Variants in AUH observed in about 807,000 individuals in gnomAD.
The protein encoded by AUH is methylglutaconyl-CoA hydratase, mitochondrial.
A neutral mutation model predicts 42.3 loss-of-function variants in AUH; 29 were observed. That is an observed-to-expected ratio of 0.69 (90% CI 0.51 to 0.93). AUH has a LOEUF of 0.93. AUH is among the 40% of genes least tolerant of loss of function. AUH has a pLI of 0.00. For synonymous variants in AUH, 174 were observed against 166.4 expected (o/e 1.05, Z -0.35); for missense variants, 452 against 438.1 (o/e 1.03, Z -0.28).
chr9:91,214,554 C>G, intron 9 of AUH, 129 bp from the exon 10 acceptor site: 3 of 732,062 alleles, frequency 4.1e-6, no homozygotes, highest in Non-Finnish European at 6.6e-6. Flanking sequence ...GAACAATTCT[C>G]CTAATTATGT....
chr9:91,276,865 A>C (rs1825587491), intron 6 of AUH, among the ~76,000 whole-genome samples: 1 of 152,210 alleles, frequency 6.6e-6, no homozygotes, highest in African/African-American at 2.4e-5. Context: ...TTTCTTCCCC[A>C]AGTAAAGAAT....
chr9:91,319,850 G>A (rs187249862), intron 4 of AUH, among the ~76,000 whole-genome samples: 13 of 152,270 alleles, frequency 8.5e-5, no homozygotes, highest in South Asian at 8.3e-4. Context: ...AAGGTCAAAC[G>A]GTGCGCCTGA....
At position 91,343,681 on chromosome 9, in the gene AUH, G is replaced by C. The variant is rs559647534; in HGVS notation, c.418+12202C>G. Among the ~76,000 whole-genome samples the C allele has an allele frequency of 2.5e-3, 377 of 152,256 alleles. 1 individual carries two copies. Among genetic ancestry groups the C allele is most frequent in the Non-Finnish European group, 4.6e-3 (312 of 68,012 alleles). On this transcript the variant is annotated intron_variant, in intron 3 of 9. Transcript: ENST00000375731. The stretch of plus-strand genomic sequence containing the variant: ...CGGGAGGCGGAGGTTGCAGTGAGCT[G>C]AGATTACACTGCTGCACTCCAGCCT...
chr9:91,310,299 A>C lies in AUH; in HGVS notation c.506-12223T>G, dbSNP rs567857269. Among the ~76,000 whole-genome samples the C allele has an allele frequency of 8.5e-5, 13 of 152,352 alleles. No homozygotes were observed. The South Asian group carries it at 1.4e-3, about 17-fold the overall frequency. On this transcript the variant is annotated intron_variant, in intron 4 of 9. Transcript: ENST00000375731. ...AGTTGAGCAGCATTCTTGGAATTTT[A>C]GGTAGAGGCAGACAGGAAAGGGATT...
intron 6 of AUH, among the ~76,000 whole-genome samples, chr9:91,241,996 T>C (rs535918341): frequency 1.3e-5 from 2 of 152,342 alleles, no homozygotes; most frequent in East Asian, 1.9e-4. Context: ...ACTTACTCTT[T>C]GATAGATTCT....
chr9:91,300,026 A>T (rs1281527693), intron 4 of AUH, among the ~76,000 whole-genome samples: 1 of 152,204 alleles, frequency 6.6e-6, no homozygotes, highest in African/African-American at 2.4e-5. Context: ...CAATGACATT[A>T]TAAGATTGTC....
At chr9:91,349,792 A>G (rs1276856714) in intron 3 of AUH, among the ~76,000 whole-genome samples, 1 of 152,186 alleles carries the variant, frequency 6.6e-6, no homozygotes, top group East Asian at 1.9e-4. Context: ...GGCAGCACAC[A>G]TTCAGTCCAA....
At chr9:91,322,496 T>A (rs1435857567) in intron 4 of AUH, among the ~76,000 whole-genome samples, 3 of 152,188 alleles carry the variant, frequency 2.0e-5, no homozygotes, top group East Asian at 1.9e-4. Context: ...AATAGACAGC[T>A]AAGCCAAAGA....
At chr9:91,219,405 C>T (rs1827008315) in intron 7 of AUH, among the ~76,000 whole-genome samples, 1 of 152,206 alleles carries the variant, frequency 6.6e-6, no homozygotes, top group South Asian at 2.1e-4. Context: ...TAAGTTATAA[C>T]ACCAATATTC....
intron 6 of AUH, among the ~76,000 whole-genome samples, chr9:91,266,781 G>C (rs1406083073): frequency 6.6e-6 from 1 of 152,086 alleles, no homozygotes; most frequent in East Asian, 1.9e-4. Context: ...CCTATGACTG[G>C]GGCACATAAA....
At chr9:91,223,300 C>T (rs1440266184) in intron 6 of AUH, among the ~76,000 whole-genome samples, 1 of 151,878 alleles carries the variant, frequency 6.6e-6, no homozygotes, top group Non-Finnish European at 1.5e-5. Context: ...TTTATTGCCT[C>T]ATATAAATGG....
intron 3 of AUH, among the ~76,000 whole-genome samples, chr9:91,328,380 G>C (rs1306592587): frequency 3.3e-5 from 5 of 152,222 alleles, no homozygotes; most frequent in Non-Finnish European, 5.9e-5. Context: ...CAGAAAATAT[G>C]TAAGACAGCT....
intron 4 of AUH, among the ~76,000 whole-genome samples, chr9:91,313,374 C>T (rs554511187): frequency 5.2e-4 from 79 of 152,220 alleles, no homozygotes; most frequent in Non-Finnish European, 8.5e-4. Context: ...CACTTCCTCC[C>T]AAGACAAAAA....
intron 4 of AUH, among the ~76,000 whole-genome samples, chr9:91,302,335 A>C (rs1029307307): frequency 5.3e-5 from 8 of 152,070 alleles, no homozygotes; most frequent in Admixed American, 5.2e-4. Context: ...CACGCCTGTA[A>C]TCCCAGCACT....
intron 6 of AUH, among the ~76,000 whole-genome samples, chr9:91,276,109 T>A (rs890568355): frequency 2.6e-5 from 4 of 152,202 alleles, no homozygotes; most frequent in African/African-American, 9.6e-5. Context: ...TACATAATAT[T>A]ATCTGCATTT....
rs1270067554 is a variant in AUH at position 91,361,856 on chromosome 9, A to C, written c.34T>G (p.Leu12Val). 2.0e-6 allele frequency: 3 copies of C among 1,483,510 alleles called. No homozygotes were observed. In the East Asian group the frequency reaches 8.5e-5, roughly 42 times the overall value. 91.9% of individuals were successfully genotyped at this position (1,483,510 alleles called of 1,614,324 possible). The change falls in exon 1 of 10, where the codon TTG becomes GTG. Residue 12 changes from leucine (L) to valine (V), a missense_variant. Transcript: ENST00000375731. ...AAAVAAAPGA[L>V]GSLHAGGARL... ...GCGCCGCCAGCATGCAGGGATCCCA[A>C]GGCCCCAGGTGCCGCCGCCACCGCG...
At chr9:91,232,837 G>C (rs1344965372) in intron 6 of AUH, among the ~76,000 whole-genome samples, 1 of 152,232 alleles carries the variant, frequency 6.6e-6, no homozygotes, top group African/African-American at 2.4e-5. Context: ...AGAGGCAGCA[G>C]AATCTACTAA....
At chr9:91,345,950 T>C (rs1363329591) in intron 3 of AUH, among the ~76,000 whole-genome samples, 2 of 151,026 alleles carry the variant, frequency 1.3e-5, no homozygotes, top group African/African-American at 2.4e-5. Flanking sequence ...GTCTGACAAA[T>C]GGTGCTGGGA....
chr9:91,221,018 G>C, intron 6 of AUH, 26 bp from the exon 7 acceptor site: 3 of 1,611,942 alleles, frequency 1.9e-6, no homozygotes, highest in Non-Finnish European at 2.5e-6. Flanking sequence ...GAGAGAAAAG[G>C]CAATGATTTG....
Sources: gnomAD v4.1 joint callset for allele counts (sites outside exome capture counted in the v4.1 genomes callset) on GRCh38, gnomAD v4.1.1 for gene constraint, MANE v1.5 for transcripts, NCBI Gene and HGNC (gene_info 2026-07-23, HGNC 2026-07-21) for gene names.